The following SNRPG variants were observed in gnomAD, a reference collection of about 807,000 sequenced individuals.
The protein encoded by SNRPG is small nuclear ribonucleoprotein G.
Under a neutral mutation model 13.9 loss-of-function variants are expected in SNRPG, and 3 were observed. The observed-to-expected ratio is 0.22, with a 90% CI of 0.10 to 0.56. The LOEUF (loss-of-function observed/expected upper bound fraction) is 0.56, where lower values mean the gene tolerates loss of function less well. Among genes scored for constraint, SNRPG ranks in the 20% least tolerant of loss-of-function variants. The pLI, the probability that SNRPG is intolerant of heterozygous loss-of-function variation, is 0.93. For missense variants in SNRPG, 34 were observed against 96.1 expected (o/e 0.35, Z 2.70); for synonymous variants, 29 against 29.3 (o/e 0.99, Z 0.03).
intron 1 of SNRPG, chr2:70,291,132 C>T (rs1450801536): frequency 6.6e-6 from 1 of 151,874 alleles, no homozygotes; most frequent in Non-Finnish European, 1.5e-5. Flanking sequence ...CTTATACAAT[C>T]TTTACAACGA....
At chr2:70,282,492 A>T (rs2104907726) in intron 3 of SNRPG, among the ~76,000 whole-genome samples, 1 of 152,346 alleles carries the variant, frequency 6.6e-6, no homozygotes, top group African/African-American at 2.4e-5. Flanking sequence ...GTATGAGAGG[A>T]TAAGGAAGTA....
intron 1 of SNRPG, among the ~76,000 whole-genome samples, chr2:70,292,505 CCTGG>C (rs915752739): frequency 1.3e-5 from 2 of 152,114 alleles, no homozygotes; most frequent in African/African-American, 2.4e-5. Context: ...ACACCACCTG[CCTGG>C]CTAATTTTTT....
intron 3 of SNRPG, chr2:70,287,343 GGGCTTACCGCTTT>G: frequency 1.4e-6 from 1 of 702,770 alleles, no homozygotes; most frequent in Admixed American, 2.0e-5. Flanking sequence ...CAAGAACTTT[GGGCTTACCGCTTT>G]ATTAGGTATG....
intron 1 of SNRPG, 81 bp downstream of exon 1, chr2:70,293,537 T>G (rs1559047593): frequency 8.4e-7 from 1 of 1,184,950 alleles, no homozygotes; most frequent in Non-Finnish European, 1.3e-6. Context: ...GCTCAAGACA[T>G]TCGGCTAACG....
At chr2:70,284,841 T>C (rs1419537960) in intron 3 of SNRPG, among the ~76,000 whole-genome samples, 1 of 152,194 alleles carries the variant, frequency 6.6e-6, no homozygotes, top group African/African-American at 2.4e-5. Flanking sequence ...TAAGGCTAAA[T>C]GGTGAACTTT....
At chr2:70,288,423 G>A (rs1432260472) in intron 2 of SNRPG, among the ~76,000 whole-genome samples, 1 of 152,148 alleles carries the variant, frequency 6.6e-6, no homozygotes, top group Admixed American at 6.5e-5. Flanking sequence ...AAACTTCAGA[G>A]CTTTTTTAAA....
intron 1 of SNRPG, among the ~76,000 whole-genome samples, chr2:70,291,098 C>T (rs1159794608): frequency 1.3e-5 from 2 of 150,054 alleles, no homozygotes; most frequent in Admixed American, 6.7e-5. Context: ...ATACATAAAA[C>T]GTATCAAATA....
chr2:70,293,322 G>T, intron 1 of SNRPG: 1 of 654,748 alleles, frequency 1.5e-6, no homozygotes, highest in South Asian at 1.7e-5. Flanking sequence ...GGTAGCACTG[G>T]AGATCTTCAA....
intron 3 of SNRPG, among the ~76,000 whole-genome samples, chr2:70,286,539 G>GT (rs1696947370): frequency 6.6e-6 from 1 of 152,042 alleles, no homozygotes; most frequent in Non-Finnish European, 1.5e-5. Flanking sequence ...TTGGCTGGGG[G>GT]TTGGGGGGCG....
chr2:70,289,497 G>C, intron 1 of SNRPG, 125 bp from the exon 2 acceptor site: 1 of 565,242 alleles, frequency 1.8e-6, no homozygotes, highest in Non-Finnish European at 3.2e-6. Context: ...ATCTAAAATA[G>C]TAAAAATAAT....
At chr2:70,284,106 T>C (rs192623366) in intron 3 of SNRPG, among the ~76,000 whole-genome samples, 2 of 152,174 alleles carry the variant, frequency 1.3e-5, no homozygotes, top group East Asian at 3.9e-4. Context: ...AAAATGACAA[T>C]GGGAACTGAA....
At chr2:70,289,879 A>T (rs1242011644) in intron 1 of SNRPG, among the ~76,000 whole-genome samples, 1 of 152,212 alleles carries the variant, frequency 6.6e-6, no homozygotes, top group African/African-American at 2.4e-5. Context: ...GTAATTTGGG[A>T]AGAGGAAAGG....
intron 3 of SNRPG, among the ~76,000 whole-genome samples, chr2:70,284,871 C>T (rs967491948): frequency 2.0e-5 from 3 of 152,138 alleles, no homozygotes; most frequent in Admixed American, 1.3e-4. Context: ...TATCTGTGGT[C>T]CAAAAACATT....
At chr2:70,284,811 G>A (rs550378205) in intron 3 of SNRPG, among the ~76,000 whole-genome samples, 58 of 152,176 alleles carry the variant, frequency 3.8e-4, no homozygotes, top group South Asian at 8.3e-4. Flanking sequence ...TATTTGTCTT[G>A]TCACATAATA....
At chr2:70,293,270 C>T (rs1697150162) in intron 1 of SNRPG, 3 of 700,776 alleles carry the variant, frequency 4.3e-6, no homozygotes, top group Non-Finnish European at 7.8e-6. Flanking sequence ...CCCCTCTAGC[C>T]GTCTATCTAG....
intron 1 of SNRPG, among the ~76,000 whole-genome samples, chr2:70,290,514 C>A (rs1304079079): frequency 6.6e-6 from 1 of 150,624 alleles, no homozygotes; most frequent in Non-Finnish European, 1.5e-5. Flanking sequence ...AAATTTCATT[C>A]AATTTTAAAA....
intron 3 of SNRPG, 96 bp from the exon 4 acceptor site, chr2:70,281,780 T>A: frequency 1.4e-6 from 1 of 697,894 alleles, no homozygotes; most frequent in South Asian, 1.8e-5. Context: ...AATGGTTTTT[T>A]AATATTACAT....
At chr2:70,283,134 A>T (rs1227727022) in intron 3 of SNRPG, among the ~76,000 whole-genome samples, 1 of 149,568 alleles carries the variant, frequency 6.7e-6, no homozygotes, top group Non-Finnish European at 1.5e-5. Flanking sequence ...ACAACAAACC[A>T]AAACCAAAAC....
At chr2:70,283,096 C>CA (rs57862220) in intron 3 of SNRPG, among the ~76,000 whole-genome samples, 853 of 14,026 alleles carry the variant, frequency 0.061, 98 homozygotes, top group South Asian at 0.071. Context: ...TGTCTTTTGT[C>CA]AAAAAAAAAA....
Sources: allele counts gnomAD v4.1 joint callset (sites outside exome capture counted in the v4.1 genomes callset), GRCh38; gene constraint gnomAD v4.1.1; transcripts MANE v1.5; gene names NCBI Gene and HGNC (gene_info 2026-07-23, HGNC 2026-07-21).